SPATA13: variants seen among roughly 807,000 people sequenced by gnomAD.
SPATA13 encodes spermatogenesis associated 13.
Under a neutral mutation model 104.0 loss-of-function variants are expected in SPATA13, and 50 were observed. The observed-to-expected ratio is 0.48, with a 90% CI of 0.38 to 0.61. SPATA13 has a LOEUF of 0.61. Ranked by LOEUF, SPATA13 falls within the 20% of genes least tolerant of loss-of-function variation. The probability of loss-of-function intolerance (pLI) is 0.00; values close to 1 mark genes in which losing one functional copy is unlikely to be tolerated. For synonymous variants in SPATA13, 606 were observed against 667.5 expected (o/e 0.91, Z 1.42); for missense variants, 1,524 against 1,690.6 (o/e 0.90, Z 1.73).
chr13:24,101,203 C>T (rs564140071), intron 3 of SPATA13, among the ~76,000 whole-genome samples: 1 of 152,284 alleles, frequency 6.6e-6, no homozygotes, highest in African/African-American at 2.4e-5. Context: ...ACTTCTTATC[C>T]TCTCTTCTCT....
chr13:24,189,683 T>TATATATATAATATATTATATATAAAAGC, intron 1 of SPATA13, among the ~76,000 whole-genome samples: 31 of 2,842 alleles, frequency 0.011, 8 homozygotes, highest in African/African-American at 0.012. Context: ...TATATATATT[T>TATATATATAATATATTATATATAAAAGC]ATATATAATA....
At chr13:24,066,644 C>A (rs1247388740) in intron 3 of SPATA13, among the ~76,000 whole-genome samples, 1 of 152,154 alleles carries the variant, frequency 6.6e-6, no homozygotes, top group East Asian at 1.9e-4. Flanking sequence ...CATGCCAGCC[C>A]CTGCCTTCAT....
At chr13:23,991,606 C>T (rs1488906458) in intron 2 of SPATA13, among the ~76,000 whole-genome samples, 1 of 152,136 alleles carries the variant, frequency 6.6e-6, no homozygotes, top group East Asian at 1.9e-4. Context: ...TTCTTTTCTC[C>T]AATGCATTGA....
intron 2 of SPATA13, among the ~76,000 whole-genome samples, chr13:23,997,160 G>GA (rs1875733674): frequency 6.6e-6 from 1 of 152,198 alleles, no homozygotes; most frequent in Non-Finnish European, 1.5e-5. Flanking sequence ...AGTTTCAACT[G>GA]AAAATACTGT....
At chr13:24,096,272 C>A (rs568515043) in intron 3 of SPATA13, among the ~76,000 whole-genome samples, 1 of 152,122 alleles carries the variant, frequency 6.6e-6, no homozygotes, top group Admixed American at 6.5e-5. Context: ...ATGGTTAGTG[C>A]TGTAAAGAAA....
At chr13:24,147,761 C>A (rs1881979184) in intron 3 of SPATA13, among the ~76,000 whole-genome samples, 1 of 121,622 alleles carries the variant, frequency 8.2e-6, no homozygotes. Flanking sequence ...CCCGTTCCCT[C>A]CACACCCCTA....
chr13:24,235,420 G>A (rs1872520730), intron 2 of SPATA13, among the ~76,000 whole-genome samples: 1 of 152,228 alleles, frequency 6.6e-6, no homozygotes, highest in Non-Finnish European at 1.5e-5. Context: ...GCCGGAAAGA[G>A]AGAAAGATTG....
chr13:24,264,670 C>A (rs920844322), intron 4 of SPATA13, among the ~76,000 whole-genome samples: 12 of 152,272 alleles, frequency 7.9e-5, no homozygotes, highest in East Asian at 7.7e-4. Flanking sequence ...CCTCCAATCC[C>A]TGTTGTGTTC....
chr13:24,038,566 C>T (rs1348812524), intron 3 of SPATA13, among the ~76,000 whole-genome samples: 1 of 152,156 alleles, frequency 6.6e-6, no homozygotes. Flanking sequence ...CAGCAGACGT[C>T]TTCGGTAAAG....
At chr13:24,249,449 G>A in intron 2 of SPATA13, 28 bp from the exon 3 acceptor site, 1 of 1,488,962 alleles carries the variant, frequency 6.7e-7, no homozygotes. Flanking sequence ...TGGATATTGA[G>A]CTCACCTGAC....
intron 3 of SPATA13, among the ~76,000 whole-genome samples, chr13:24,097,312 C>G (rs1022826): frequency 0.37 from 55,738 of 151,980 alleles, 10,555 homozygotes; most frequent in Non-Finnish European, 0.41. Flanking sequence ...AAATGAGAAG[C>G]TAAATAATTT....
intron 4 of SPATA13, among the ~76,000 whole-genome samples, chr13:24,255,128 ATC>A (rs1873720579): frequency 6.6e-6 from 1 of 152,190 alleles, no homozygotes; most frequent in Non-Finnish European, 1.5e-5. Flanking sequence ...TGCCAAAGCC[ATC>A]TCTCCTACTC....
intron 3 of SPATA13, among the ~76,000 whole-genome samples, chr13:24,137,122 G>C (rs1411837276): frequency 2.9e-5 from 1 of 35,068 alleles, no homozygotes; most frequent in African/African-American, 8.7e-5. Flanking sequence ...GAGCCACCGC[G>C]CCCGGCCTGT....
At chr13:24,211,488 T>C (rs754268444) in intron 1 of SPATA13, among the ~76,000 whole-genome samples, 3 of 148,312 alleles carry the variant, frequency 2.0e-5, no homozygotes, top group Non-Finnish European at 4.4e-5. Context: ...TCAAAGGCTT[T>C]TTCTGTATCT....
intron 3 of SPATA13, among the ~76,000 whole-genome samples, chr13:24,092,865 C>A (rs987642869): frequency 5.9e-5 from 9 of 152,196 alleles, no homozygotes; most frequent in African/African-American, 1.9e-4. Flanking sequence ...AGGCTGGTAA[C>A]AACTAGAAGA....
chr13:24,140,383 A>G (rs1034084069), intron 3 of SPATA13, among the ~76,000 whole-genome samples: 2 of 152,266 alleles, frequency 1.3e-5, no homozygotes, highest in African/African-American at 4.8e-5. Context: ...TTCAAAATAT[A>G]AAAGGTTCAT....
intron 3 of SPATA13, among the ~76,000 whole-genome samples, chr13:24,133,968 G>T (rs910868557): frequency 2.0e-5 from 3 of 152,182 alleles, no homozygotes; most frequent in African/African-American, 7.2e-5. Flanking sequence ...TGAGGAGGGG[G>T]CTGGGTCGAG....
intron 2 of SPATA13, among the ~76,000 whole-genome samples, chr13:24,000,475 A>G (rs1252704704): frequency 1.3e-5 from 2 of 152,186 alleles, no homozygotes; most frequent in South Asian, 4.1e-4. Flanking sequence ...ACAAGGAATG[A>G]CTTTCAGGGC....
chr13:24,191,980 A>T (rs796310415), intron 1 of SPATA13, among the ~76,000 whole-genome samples: 24 of 152,168 alleles, frequency 1.6e-4, no homozygotes, highest in African/African-American at 5.8e-4. Context: ...TTACAGGGCG[A>T]AAAGGGAACA....
Sources: allele counts gnomAD v4.1 joint callset (sites outside exome capture counted in the v4.1 genomes callset), GRCh38; gene constraint gnomAD v4.1.1; transcripts MANE v1.5; gene names NCBI Gene and HGNC (gene_info 2026-07-23, HGNC 2026-07-21).